The following VWA3A variants were observed in gnomAD, a reference collection of about 807,000 sequenced individuals.
VWA3A encodes von Willebrand factor A domain-containing protein 3A.
A neutral mutation model predicts 160.4 loss-of-function variants in VWA3A; 134 were observed. The ratio of observed to expected loss-of-function variants is 0.84; its 90% CI spans 0.73 to 0.96. The LOEUF (loss-of-function observed/expected upper bound fraction) is 0.96. Ranked by LOEUF, VWA3A falls within the 40% of genes least tolerant of loss-of-function variation. The pLI is 0.00. For missense variants in VWA3A, 1,310 were observed against 1,447.9 expected (o/e 0.90, Z 1.55); for synonymous variants, 476 against 543.4 (o/e 0.88, Z 1.72).
At chr16:22,122,119 TGATG>T (rs113111289) in intron 14 of VWA3A, among the ~76,000 whole-genome samples, 2,879 of 145,982 alleles carry the variant, frequency 0.02, 56 homozygotes, top group Non-Finnish European at 0.026. Context: ...AGGAAAAGAA[TGATG>T]GATGGATGGA....
chr16:22,116,946 G>A lies in VWA3A; in HGVS notation c.924+79G>A. 4 of 1,465,232 alleles carry A rather than the reference G, an allele frequency of 2.7e-6. No individual in the cohort carries two copies. The Admixed American group carries it at 5.3e-5, about 19-fold the overall frequency. The allele number at this position is 1,465,232 out of a possible 1,614,324, so 90.8% of individuals were successfully genotyped here. On this transcript the variant is annotated intron_variant, in intron 10 of 33. Transcript: ENST00000389398. ...GGCTGGCCTTTGAGGCCTCATGCTT[G>A]GACAGGCCCCCGAGCTGTGGACCAG...
intron 1 of VWA3A, among the ~76,000 whole-genome samples, chr16:22,093,130 T>G (rs944873157): frequency 6.6e-6 from 1 of 152,100 alleles, no homozygotes; most frequent in African/African-American, 2.4e-5. Context: ...CAACAAATGT[T>G]TTTTGAGCAG....
In VWA3A at chr16:22,140,253, C is replaced by A. The variant is rs372720849; in HGVS notation, c.2383+9C>A. 4.3e-6 allele frequency: 7 copies of A among 1,612,622 alleles called. No individual in the cohort carries two copies. Among genetic ancestry groups the A allele is most frequent in the Non-Finnish European group, 5.9e-6 (7 of 1,179,222 alleles). The stretch of plus-strand genomic sequence containing the variant: ...AGTTGGCATCTCACCAGGTAAGGCA[C>A]CATCACGGTCAGGCAGGGTGGAGGG... On this transcript the variant is annotated intron_variant, in intron 23 of 33. Transcript: ENST00000389398.
intron 19 of VWA3A, 189 bp from the exon 20 acceptor site, chr16:22,132,710 TC>T (rs1444121179): frequency 3.3e-6 from 2 of 597,892 alleles, no homozygotes; most frequent in Non-Finnish European, 5.8e-6. Flanking sequence ...CAGGTCCAGC[TC>T]CCCAACCACA....
At chr16:22,092,744 G>A (rs1347731455) in intron 1 of VWA3A, 93 bp downstream of exon 1, 2 of 1,502,014 alleles carry the variant, frequency 1.3e-6, no homozygotes, top group East Asian at 5.0e-5. Flanking sequence ...AAGATCGAGG[G>A]AGCTTGGGGT....
rs1314179021 is a variant in VWA3A at position 22,141,606 on chromosome 16, G to A, written c.2408G>A (p.Gly803Glu). 6.2e-7 allele frequency: 1 copy of A among 1,612,048 alleles called. No homozygotes were observed. The highest frequency in any genetic ancestry group is 2.2e-5 in the East Asian group (1 of 44,852). Residue 803 changes from glycine to glutamate, a missense_variant, in exon 24 of 34, where the codon GGG becomes GAG. Gly to Glu is a moderately conservative substitution (Grantham distance 98). Coordinates refer to ENST00000389398, the MANE Select transcript of VWA3A (RefSeq NM_173615.5). Reference protein sequence around the residue: ...SPAAAQPTKEGMMELRRKTKS... With the variant: ...SPAAAQPTKEEMMELRRKTKS... ...GCTGCGGCCCAGCCAACGAAAGAAGGGATGATGGAACTGAGGAGGAAGACC... is the reference window on the plus strand; with the variant it reads ...GCTGCGGCCCAGCCAACGAAAGAAGAGATGATGGAACTGAGGAGGAAGACC...
chr16:22,132,064 T>A (rs536759690), intron 19 of VWA3A, among the ~76,000 whole-genome samples: 1 of 151,796 alleles, frequency 6.6e-6, no homozygotes, highest in African/African-American at 2.4e-5. Context: ...CAAGACCCCA[T>A]CTCTACAAAA....
At chr16:22,147,243 C>T (rs1164246845) in intron 27 of VWA3A, among the ~76,000 whole-genome samples, 5 of 152,048 alleles carry the variant, frequency 3.3e-5, no homozygotes, top group South Asian at 2.1e-4. Context: ...AGGCTGGCCC[C>T]GAACTCCTAG....
intron 6 of VWA3A, among the ~76,000 whole-genome samples, chr16:22,108,156 G>A (rs2045506696): frequency 6.6e-6 from 1 of 152,154 alleles, no homozygotes; most frequent in Non-Finnish European, 1.5e-5. Flanking sequence ...TGGGTCCCCG[G>A]GAGGTAAGGA....
At chr16:22,147,526 G>T (rs2046275004) in intron 27 of VWA3A, 2 of 701,490 alleles carry the variant, frequency 2.9e-6, no homozygotes, top group Non-Finnish European at 2.6e-6. Context: ...AGATCCTACA[G>T]GTGGCTTTGT....
chr16:22,148,586 CAA>C (rs2046297052), intron 28 of VWA3A, among the ~76,000 whole-genome samples: 1 of 152,076 alleles, frequency 6.6e-6, no homozygotes, highest in Admixed American at 6.6e-5. Flanking sequence ...GTCTCAGCAA[CAA>C]AGTGTCATCC....
intron 14 of VWA3A, among the ~76,000 whole-genome samples, chr16:22,122,691 GT>G (rs1337157375): frequency 6.6e-6 from 1 of 152,136 alleles, no homozygotes; most frequent in African/African-American, 2.4e-5. Context: ...GCCTGTCTAG[GT>G]TCCCAAACCT....
intron 9 of VWA3A, among the ~76,000 whole-genome samples, chr16:22,115,913 GGAAGGAAGGAAAGGAAAGGA>G (rs2045629625): frequency 2.8e-5 from 1 of 35,366 alleles, no homozygotes; most frequent in South Asian, 2.4e-3. Flanking sequence ...AAGGAAGGAA[GGAAGGAAGGAAAGGAAAGGA>G]AAGGAAGGGA....
chr16:22,109,247 A>C (rs2045520919), intron 6 of VWA3A, among the ~76,000 whole-genome samples: 1 of 152,234 alleles, frequency 6.6e-6, no homozygotes, highest in South Asian at 2.1e-4. Context: ...TAGACAATAA[A>C]TATAAGGGGA....
intron 21 of VWA3A, among the ~76,000 whole-genome samples, chr16:22,137,574 G>T (rs2046068524): frequency 6.6e-6 from 1 of 152,234 alleles, no homozygotes; most frequent in African/African-American, 2.4e-5. Flanking sequence ...CAGAGACACT[G>T]GGTTGCAGCA....
intron 5 of VWA3A, 50 bp downstream of exon 5, chr16:22,100,543 T>C (rs959086316): frequency 7.9e-6 from 12 of 1,528,028 alleles, no homozygotes; most frequent in Admixed American, 3.9e-5. Flanking sequence ...TCAAGAATTA[T>C]GTCATTTCAG....
intron 11 of VWA3A, among the ~76,000 whole-genome samples, chr16:22,118,376 T>C (rs1452833515): frequency 6.6e-6 from 1 of 152,086 alleles, no homozygotes; most frequent in African/African-American, 2.4e-5. Flanking sequence ...TAGAAAACTC[T>C]TCAATTGTTT....
At chr16:22,095,295 G>A (rs139585128) in intron 1 of VWA3A, among the ~76,000 whole-genome samples, 1 of 152,274 alleles carries the variant, frequency 6.6e-6, no homozygotes, top group East Asian at 1.9e-4. Context: ...ACGTTCCAGA[G>A]CAAAGACAGC....
intron 8 of VWA3A, 132 bp downstream of exon 8, chr16:22,111,126 A>G: frequency 1.4e-6 from 1 of 730,524 alleles, no homozygotes; most frequent in Admixed American, 3.5e-5. Context: ...GAGACAACTC[A>G]CAAAAGCAGA....
Sources: gnomAD v4.1 joint callset for allele counts (sites outside exome capture counted in the v4.1 genomes callset) on GRCh38, gnomAD v4.1.1 for gene constraint, MANE v1.5 for transcripts, NCBI Gene and HGNC (gene_info 2026-07-23, HGNC 2026-07-21) for gene names.